NME7: variants seen among roughly 807,000 people sequenced by gnomAD.
NME7 encodes the protein NME/NM23 family member 7, also known as nucleoside diphosphate kinase 7.
Under a neutral mutation model 49.1 loss-of-function variants are expected in NME7, and 41 were observed. The observed-to-expected ratio is 0.83, with a 90% CI of 0.65 to 1.08. The LOEUF is 1.08. Ranked by LOEUF, NME7 falls within the 50% of genes least tolerant of loss-of-function variation. NME7 has a pLI of 0.00. For missense variants in NME7, 423 were observed against 463.4 expected (o/e 0.91, Z 0.80); for synonymous variants, 139 against 150.6 (o/e 0.92, Z 0.56).
chr1:169,229,134 C>T (rs1471301404), intron 10 of NME7, among the ~76,000 whole-genome samples: 1 of 152,138 alleles, frequency 6.6e-6, no homozygotes, highest in Non-Finnish European at 1.5e-5. Flanking sequence ...ATATGGGATT[C>T]AAATTAAATA....
At chr1:169,334,337 A>G (rs898845073) in intron 1 of NME7, among the ~76,000 whole-genome samples, 3 of 152,182 alleles carry the variant, frequency 2.0e-5, no homozygotes, top group African/African-American at 7.2e-5. Flanking sequence ...AGTAATCAAA[A>G]CAGCATGGTA....
intron 7 of NME7, among the ~76,000 whole-genome samples, chr1:169,256,392 C>T (rs1313533594): frequency 7.5e-6 from 1 of 134,152 alleles, no homozygotes; most frequent in Non-Finnish European, 1.8e-5. Flanking sequence ...ACGTAGTTCT[C>T]GAGCCTTGGT....
chr1:169,297,058 C>G (rs2101905034), intron 6 of NME7, among the ~76,000 whole-genome samples: 1 of 152,038 alleles, frequency 6.6e-6, no homozygotes, highest in South Asian at 2.1e-4. Flanking sequence ...ACTGCAACCT[C>G]CACCTCCCTG....
At chr1:169,294,186 T>G (rs1650621203) in intron 6 of NME7, among the ~76,000 whole-genome samples, 1 of 152,112 alleles carries the variant, frequency 6.6e-6, no homozygotes. Context: ...ACCTCTATAA[T>G]GCAGGTTCAA....
rs567110368 is a variant in NME7 at position 169,208,431 on chromosome 1, T to C, written c.990+22287A>G. On this transcript the variant is annotated intron_variant, in intron 10 of 11. Coordinates refer to ENST00000367811, the MANE Select transcript of NME7 (RefSeq NM_013330.5). The stretch of plus-strand genomic sequence containing the variant: ...AAAATACTTCAGGCCAACTTTACTG[T>C]GTATATTATCTCTGTAACATGTCAG... 2.3e-4 allele frequency among the ~76,000 whole-genome samples: 35 copies of C among 152,268 alleles called. 1 individual carries two copies. In the South Asian group the frequency reaches 7.2e-3, roughly 32 times the overall value.
chr1:169,316,881 A>G (rs970053749), intron 3 of NME7, among the ~76,000 whole-genome samples: 5 of 152,148 alleles, frequency 3.3e-5, no homozygotes, highest in African/African-American at 1.2e-4. Context: ...GTATTGTTTA[A>G]GTGACTAACT....
At chr1:169,134,852 T>C (rs1447794232) in intron 11 of NME7, among the ~76,000 whole-genome samples, 2 of 151,752 alleles carry the variant, frequency 1.3e-5, no homozygotes, top group Admixed American at 6.6e-5. Flanking sequence ...TGATAAATGG[T>C]TGGCTAAAAT....
intron 11 of NME7, among the ~76,000 whole-genome samples, chr1:169,154,323 T>C (rs1659002053): frequency 6.6e-6 from 1 of 152,142 alleles, no homozygotes; most frequent in Admixed American, 6.5e-5. Flanking sequence ...GAAATGTGTA[T>C]CTTCAAAACA....
chr1:169,272,900 T>C (rs1649540291), intron 7 of NME7, among the ~76,000 whole-genome samples: 1 of 133,490 alleles, frequency 7.5e-6, no homozygotes, highest in Non-Finnish European at 1.8e-5. Context: ...GAACTAATTT[T>C]ACTCTCCCAG....
Position 169,230,812 on chromosome 1 carries a change from A to C in NME7, c.896T>G (p.Val299Gly). Reference sequence around the variant, plus strand: ...ACAAGGGCCAGAATACATTTCTGTCACCATGTCCTATGATATGTAATATAA... The same window carrying C: ...ACAAGGGCCAGAATACATTTCTGTCCCCATGTCCTATGATATGTAATATAA... ...KGVVTEYHDM[V>G]TEMYSGPCVA... The change falls in exon 10 of 12, where the codon GTG (valine) becomes GGG (glycine). Residue 299 changes from valine to glycine, a missense_variant. By Grantham distance (109) the Val-to-Gly change is moderately radical. Coordinates refer to ENST00000367811, the MANE Select transcript of NME7 (RefSeq NM_013330.5). 1 of 1,589,298 alleles carries C rather than the reference A, an allele frequency of 6.3e-7. No individual in the cohort carries two copies. Among genetic ancestry groups the C allele is most frequent in the Non-Finnish European group, 8.6e-7 (1 of 1,165,320 alleles).
chr1:169,243,971 T>C (rs1390073541), intron 7 of NME7, among the ~76,000 whole-genome samples: 4 of 151,994 alleles, frequency 2.6e-5, no homozygotes, highest in Non-Finnish European at 5.9e-5. Context: ...CCTAAGATTA[T>C]ATTATAATAA....
At position 169,190,798 on chromosome 1, in the gene NME7, CTTTTTTTTTTTTTTTTTTTTTT is replaced by C. The variant is rs1157694915; in HGVS notation, c.991-21266_991-21245del. ...CAGGAAGGAAGCAAGTGAACTGTTT[CTTTTTTTTTTTTTTTTTTTTTT>C]TTTTTTTTTTGAGACGGAGTCTCGC... On this transcript the variant is annotated intron_variant, in intron 10 of 11. Transcript: ENST00000367811. 2.6e-5 allele frequency: 2 copies of C among 76,824 alleles called. 1 individual carries two copies. Among genetic ancestry groups the C allele is most frequent in the African/African-American group, 1.5e-4 (2 of 13,432 alleles). The allele number at this position is 76,824 out of a possible 1,614,324, so 4.8% of individuals were successfully genotyped here.
intron 1 of NME7, among the ~76,000 whole-genome samples, chr1:169,343,483 T>C (rs1005416048): frequency 6.6e-6 from 1 of 151,898 alleles, no homozygotes; most frequent in African/African-American, 2.4e-5. Flanking sequence ...GCTATGCCAT[T>C]ACATTGTCTC....
intron 4 of NME7, among the ~76,000 whole-genome samples, chr1:169,309,051 G>T (rs1384311857): frequency 1.3e-5 from 2 of 151,982 alleles, no homozygotes; most frequent in Admixed American, 1.3e-4. Context: ...TATATATTAA[G>T]AAATGATTAT....
At chr1:169,184,143 T>TAA (rs539397736) in intron 10 of NME7, among the ~76,000 whole-genome samples, 1 of 146,024 alleles carries the variant, frequency 6.8e-6, no homozygotes, top group South Asian at 2.2e-4. Flanking sequence ...ACATTGTTTT[T>TAA]AAAAAAAAAA....
chr1:169,179,942 C>T (rs758027615), intron 10 of NME7, among the ~76,000 whole-genome samples: 2 of 144,560 alleles, frequency 1.4e-5, no homozygotes, highest in Non-Finnish European at 3.0e-5. Context: ...GTAACATGAA[C>T]ATTTACCCCT....
rs1041221492 is a variant in NME7, at chr1:169,257,640, T to G, written c.755-19953A>C. 6.7e-5 allele frequency among the ~76,000 whole-genome samples: 9 copies of G among 134,418 alleles called. 2 individuals are homozygous for G. The highest frequency in any genetic ancestry group is 4.0e-4 in the East Asian group (2 of 5,042). 88.2% of individuals were successfully genotyped at this position (134,418 alleles called of 152,430 possible). ...TTTATAGGCCCCATTAGTTTTATGCTTTCAAGAGGTTCTATTCTGGTTCAT... is the reference window on the plus strand; with the variant it reads ...TTTATAGGCCCCATTAGTTTTATGCGTTCAAGAGGTTCTATTCTGGTTCAT... On this transcript the variant is annotated intron_variant, in intron 7 of 11. Transcript: ENST00000367811.
At chr1:169,307,176 T>C (rs1416848880) in intron 4 of NME7, among the ~76,000 whole-genome samples, 1 of 152,144 alleles carries the variant, frequency 6.6e-6, no homozygotes, top group Non-Finnish European at 1.5e-5. Flanking sequence ...CCCTGTGACA[T>C]AAGAAACATT....
At chr1:169,303,726 A>G (rs1015177102) in intron 4 of NME7, among the ~76,000 whole-genome samples, 1 of 152,210 alleles carries the variant, frequency 6.6e-6, no homozygotes, top group African/African-American at 2.4e-5. Context: ...TGCTGGGATT[A>G]CAGGCATGAG....
Sources: gnomAD v4.1 joint callset for allele counts (sites outside exome capture counted in the v4.1 genomes callset) on GRCh38, gnomAD v4.1.1 for gene constraint, MANE v1.5 for transcripts, NCBI Gene and HGNC (gene_info 2026-07-23, HGNC 2026-07-21) for gene names.